The following CSMD3 variants were observed in gnomAD, a reference collection of about 807,000 sequenced individuals.
CSMD3 encodes the protein CUB and sushi domain-containing protein 3.
Under a neutral mutation model 435.2 loss-of-function variants are expected in CSMD3, and 177 were observed. The ratio of observed to expected loss-of-function variants is 0.41; its 90% CI spans 0.36 to 0.46. CSMD3 has a LOEUF of 0.46. CSMD3 is among the 20% of genes least tolerant of loss of function. CSMD3 has a pLI of 0.34. For synonymous variants in CSMD3, 1,656 were observed against 1,520.5 expected, an observed-to-expected ratio of 1.09 and a Z score of -2.07; for missense variants, 4,265 against 4,504.6, an observed-to-expected ratio of 0.95 and a Z score of 1.52.
At chr8:113,312,315 T>A (rs2093875682) in intron 2 of CSMD3, 1 of 152,120 alleles carries the variant, frequency 6.6e-6, no homozygotes, top group African/African-American at 2.4e-5. Flanking sequence ...AATACCATAA[T>A]GAACACAAAA....
At chr8:112,984,994 TGATAGATA>T (rs71309797) in intron 6 of CSMD3, among the ~76,000 whole-genome samples, 1,627 of 148,412 alleles carry the variant, frequency 0.011, 11 homozygotes, top group Middle Eastern at 0.021. Flanking sequence ...TGATAGATTA[TGATAGATA>T]GATAGATAGA....
chr8:113,426,529 G>A (rs2094636754), intron 1 of CSMD3, among the ~76,000 whole-genome samples: 1 of 150,806 alleles, frequency 6.6e-6, no homozygotes, highest in Admixed American at 6.6e-5. Context: ...CAGCCCCATA[G>A]AAAGCTAAAA....
At chr8:113,146,459 G>A (rs539936458) in intron 4 of CSMD3, among the ~76,000 whole-genome samples, 1 of 151,662 alleles carries the variant, frequency 6.6e-6, no homozygotes, top group South Asian at 2.1e-4. Context: ...CAATATATCA[G>A]AGAATACACT....
At chr8:113,053,167 T>C (rs1403106426) in intron 5 of CSMD3, among the ~76,000 whole-genome samples, 1 of 151,916 alleles carries the variant, frequency 6.6e-6, no homozygotes, top group Non-Finnish European at 1.5e-5. Flanking sequence ...AAAAAAGAAA[T>C]AAAAAAAGAA....
At chr8:113,290,432 T>G (rs1185085803) in intron 2 of CSMD3, among the ~76,000 whole-genome samples, 1 of 151,702 alleles carries the variant, frequency 6.6e-6, no homozygotes, top group African/African-American at 2.4e-5. Flanking sequence ...GACAAGTTAC[T>G]GAGAATATAA....
At chr8:112,710,068 C>T (rs935104210) in intron 13 of CSMD3, among the ~76,000 whole-genome samples, 1 of 152,050 alleles carries the variant, frequency 6.6e-6, no homozygotes, top group Non-Finnish European at 1.5e-5. Context: ...ACTGCAATCT[C>T]CCAGTTTCTG....
intron 4 of CSMD3, among the ~76,000 whole-genome samples, chr8:113,131,463 C>T (rs2091282001): frequency 1.3e-5 from 2 of 152,124 alleles, no homozygotes; most frequent in South Asian, 4.2e-4. Context: ...AGGGTGGAAG[C>T]CCCAAGCCTT....
intron 4 of CSMD3, among the ~76,000 whole-genome samples, chr8:113,140,382 A>G (rs1320040025): frequency 6.6e-6 from 1 of 150,790 alleles, no homozygotes; most frequent in Non-Finnish European, 1.5e-5. Context: ...AATATGGAAC[A>G]ACTCAGTAAC....
chr8:112,273,515 G>A lies in CSMD3; in HGVS notation c.9508+7659C>T, dbSNP rs1327931052. 7.2e-5 allele frequency among the ~76,000 whole-genome samples: 11 copies of A among 152,058 alleles called. No homozygotes were observed. The South Asian group carries it at 2.3e-3, about 32-fold the overall frequency. On this transcript the variant is annotated intron_variant, in intron 59 of 70. Transcript: ENST00000297405. Reference sequence around the variant, plus strand: ...CCGAGGCGGGTGGATCACAAGGTCAGGAGATCGAGACCATCCTGGATAACA... The same window carrying A: ...CCGAGGCGGGTGGATCACAAGGTCAAGAGATCGAGACCATCCTGGATAACA...
At chr8:113,391,018 A>G (rs890471257) in intron 1 of CSMD3, among the ~76,000 whole-genome samples, 4 of 151,992 alleles carry the variant, frequency 2.6e-5, no homozygotes, top group African/African-American at 9.7e-5. Context: ...ACCTTGATTT[A>G]TCAGAAGTCG....
At chr8:113,245,670 T>C (rs1468135486) in intron 3 of CSMD3, among the ~76,000 whole-genome samples, 2 of 152,058 alleles carry the variant, frequency 1.3e-5, no homozygotes, top group East Asian at 1.9e-4. Context: ...ACAAGTTAAA[T>C]TACATTTATT....
At chr8:112,708,332 A>T (rs2076541272) in intron 13 of CSMD3, among the ~76,000 whole-genome samples, 1 of 152,128 alleles carries the variant, frequency 6.6e-6, no homozygotes, top group African/African-American at 2.4e-5. Flanking sequence ...AATGTCTTAC[A>T]TCTGGTTATA....
chr8:113,352,820 C>T (rs1193873170), intron 1 of CSMD3, among the ~76,000 whole-genome samples: 1 of 152,186 alleles, frequency 6.6e-6, no homozygotes, highest in Non-Finnish European at 1.5e-5. Flanking sequence ...AGAATCACAT[C>T]ACATAGGTCT....
At position 112,987,912 on chromosome 8, in the gene CSMD3, T is replaced by G. The variant is rs555475451; in HGVS notation, c.1031-11764A>C. ...GGTCCTTTCATGAAAGTACACCAAATGAAAAGAGGAGGGCAATGATGGGGA... is the reference window on the plus strand; with the variant it reads ...GGTCCTTTCATGAAAGTACACCAAAGGAAAAGAGGAGGGCAATGATGGGGA... On this transcript the variant is annotated intron_variant, in intron 6 of 70. Transcript: ENST00000297405. Among the ~76,000 whole-genome samples, 227 of 151,862 alleles carry G rather than the reference T, an allele frequency of 1.5e-3. 5 individuals are homozygous for G. In the Middle Eastern group the frequency reaches 0.041, roughly 27 times the overall value.
chr8:112,657,464 T>C (rs1771283873), intron 17 of CSMD3, among the ~76,000 whole-genome samples: 1 of 152,208 alleles, frequency 6.6e-6, no homozygotes, highest in African/African-American at 2.4e-5. Flanking sequence ...TGTCTGATCT[T>C]ATTAGATTTT....
rs771720519 is a variant in CSMD3, at chr8:112,408,946, A to G, written c.5482T>C (p.Leu1828=). The change falls in exon 33 of 71, where the codon TTA becomes CTA. Residue 1828 remains leucine, a synonymous_variant. Coordinates refer to ENST00000297405, the MANE Select transcript of CSMD3 (RefSeq NM_198123.2). ...GAATGGGATCCTGAGAGGGAAGATA[A>G]CAGAGAAGATTGCTGAGTTGGCCCA... is the stretch of plus-strand genomic sequence containing the variant. ...YDGPTQQSSL[L]SSLSGSHSGE... The G allele has an allele frequency of 1.9e-6, 3 of 1,613,680 alleles. No individual in the cohort carries two copies. Among genetic ancestry groups the G allele is most frequent in the South Asian group, 1.1e-5 (1 of 91,078 alleles).
intron 17 of CSMD3, among the ~76,000 whole-genome samples, chr8:112,658,934 GAC>G (rs1165340590): frequency 6.6e-6 from 1 of 152,032 alleles, no homozygotes; most frequent in Non-Finnish European, 1.5e-5. Flanking sequence ...CAGCCTGGGT[GAC>G]AGAGTGAGAC....
chr8:113,058,623 T>G (rs559297035), intron 5 of CSMD3, among the ~76,000 whole-genome samples: 4 of 151,968 alleles, frequency 2.6e-5, no homozygotes, highest in Admixed American at 6.6e-5. Flanking sequence ...AGATGCTAAG[T>G]TGATGAAAAA....
rs56236153 is a variant in CSMD3 at position 113,385,048 on chromosome 8, T to C, written c.178+51629A>G. Among the ~76,000 whole-genome samples the C allele has an allele frequency of 7.5e-3, 1,147 of 152,246 alleles. 18 individuals carry two copies. Among genetic ancestry groups the C allele is most frequent in the African/African-American group, 0.026 (1,093 of 41,558 alleles). ...GAGTTATCAGCCTGTGAAAAACTGC[T>C]CATCTGGTTCAAACAATTTAATTTT... On this transcript the variant is annotated intron_variant, in intron 1 of 70. Transcript: ENST00000297405.
Sources: allele counts gnomAD v4.1 joint callset (sites outside exome capture counted in the v4.1 genomes callset), GRCh38; gene constraint gnomAD v4.1.1; transcripts MANE v1.5; gene names NCBI Gene and HGNC (gene_info 2026-07-23, HGNC 2026-07-21).